Variants in SCML2 observed in about 807,000 individuals in gnomAD.
SCML2 encodes the protein sex comb on midleg-like protein 2.
Under a neutral mutation model 48.4 loss-of-function variants are expected in SCML2, and 6 were observed. The ratio of observed to expected loss-of-function variants is 0.12; its 90% CI spans 0.07 to 0.24. The LOEUF is 0.24. SCML2 is among the 10% of genes least tolerant of loss of function. The probability of loss-of-function intolerance (pLI) is 1.00; values close to 1 mark genes in which losing one functional copy is unlikely to be tolerated. For missense variants in SCML2, 377 were observed against 528.2 expected, an observed-to-expected ratio of 0.71 and a Z score of 2.81; for synonymous variants, 181 against 189.5, an observed-to-expected ratio of 0.95 and a Z score of 0.37.
At chrX:18,306,494 T>C (rs1928760391) in intron 6 of SCML2, among the ~76,000 whole-genome samples, 1 of 111,830 alleles carries the variant, frequency 8.9e-6, no homozygotes. Context: ...ACTCTCATCT[T>C]CAATTGTAGT....
At chrX:18,247,708 T>C in intron 12 of SCML2, 61 bp downstream of exon 12, 3 of 889,044 alleles carry the variant, frequency 3.4e-6, no homozygotes, top group South Asian at 4.3e-5. Flanking sequence ...CCCAAGAGTA[T>C]ACATAAGTGG....
intron 7 of SCML2, among the ~76,000 whole-genome samples, chrX:18,279,987 T>C (rs902914695): frequency 6.3e-5 from 7 of 110,698 alleles, no homozygotes; most frequent in African/African-American, 1.6e-4. Context: ...ACTAAAGAGG[T>C]TGACATGCAA....
chrX:18,270,639 C>T (rs1927422401), intron 7 of SCML2, among the ~76,000 whole-genome samples: 1 of 111,163 alleles, frequency 9.0e-6, no homozygotes, highest in African/African-American at 3.3e-5. Flanking sequence ...ATATATTACA[C>T]ATCAAAATTA....
At chrX:18,353,134 G>GAAAAAAAAAAA (rs149576101) in intron 1 of SCML2, among the ~76,000 whole-genome samples, 3 of 55,970 alleles carry the variant, frequency 5.4e-5, no homozygotes, top group Non-Finnish European at 1.1e-4. Flanking sequence ...CCATTAAATA[G>GAAAAAAAAAAA]AAAAAAAAAA....
intron 6 of SCML2, among the ~76,000 whole-genome samples, chrX:18,315,621 A>G (rs1054953455): frequency 1.8e-5 from 2 of 111,431 alleles, no homozygotes; most frequent in Admixed American, 9.6e-5. Flanking sequence ...CACGCCTATG[A>G]TAAAAACTAT....
At chrX:18,267,936 T>G (rs1927313065) in intron 7 of SCML2, among the ~76,000 whole-genome samples, 1 of 111,585 alleles carries the variant, frequency 9.0e-6, no homozygotes, top group African/African-American at 3.3e-5. Context: ...TACAACCAAT[T>G]AAGAATATTA....
rs1439674215 is a variant in SCML2 at position 18,273,257 on chromosome X, T to C, written c.731-7455A>G. Among the ~76,000 whole-genome samples, 4 of 111,206 alleles carry C rather than the reference T, an allele frequency of 3.6e-5. No homozygotes were observed. In the East Asian group the frequency reaches 1.1e-3, roughly 32 times the overall value. ...TTATTTCAGCTACTGCCTATAGTAA[T>C]GATTACCAAATCATTCACTCTCACG... On this transcript the variant is annotated intron_variant, in intron 7 of 14. Coordinates refer to ENST00000251900, the MANE Select transcript of SCML2 (RefSeq NM_006089.3).
intron 7 of SCML2, among the ~76,000 whole-genome samples, chrX:18,291,735 A>ATT (rs1220846991): frequency 9.1e-6 from 1 of 110,400 alleles, no homozygotes; most frequent in Non-Finnish European, 1.9e-5. Context: ...TGTCATTTGA[A>ATT]TGATGTGTTT....
Position 18,299,356 on chromosome X carries a change from A to T in SCML2, c.730+5616T>A, listed in dbSNP as rs1457670039. On this transcript the variant is annotated intron_variant, in intron 7 of 14. Coordinates refer to ENST00000251900, the MANE Select transcript of SCML2 (RefSeq NM_006089.3). ...GTGAAATCCCATCTCTACTAAAAAT[A>T]AAAAAAAAAAAATTAGCCAGGCATA... is the stretch of plus-strand genomic sequence containing the variant. 1.4e-4 allele frequency among the ~76,000 whole-genome samples: 15 copies of T among 104,552 alleles called. 1 individual carries two copies. The Admixed American group carries it at 1.5e-3, about 11-fold the overall frequency. The allele number at this position is 104,552 out of a possible 115,157, so 90.8% of individuals were successfully genotyped here.
chrX:18,290,449 G>A (rs1928195727), intron 7 of SCML2, among the ~76,000 whole-genome samples: 1 of 111,388 alleles, frequency 9.0e-6, no homozygotes, highest in South Asian at 3.8e-4. Context: ...GCATCTGGAA[G>A]TTTGCTGCTT....
intron 7 of SCML2, among the ~76,000 whole-genome samples, chrX:18,294,251 G>A (rs1024581939): frequency 1.8e-5 from 2 of 111,097 alleles, no homozygotes; most frequent in Non-Finnish European, 3.8e-5. Context: ...TCTTCAAACT[G>A]AGCATCTAAG....
At chrX:18,302,859 T>C (rs1210319147) in intron 7 of SCML2, among the ~76,000 whole-genome samples, 1 of 112,148 alleles carries the variant, frequency 8.9e-6, no homozygotes. Context: ...TGTCCCAAAG[T>C]TACCCTGAAT....
At chrX:18,292,038 G>A (rs748994874) in intron 7 of SCML2, among the ~76,000 whole-genome samples, 33 of 111,564 alleles carry the variant, frequency 3.0e-4, no homozygotes, top group African/African-American at 9.4e-4. Flanking sequence ...AATGGGAAAA[G>A]GTGATTAGCA....
chrX:18,298,614 T>C (rs1234317858), intron 7 of SCML2, among the ~76,000 whole-genome samples: 1 of 111,543 alleles, frequency 9.0e-6, no homozygotes, highest in African/African-American at 3.3e-5. Flanking sequence ...CCCAGCACTT[T>C]GGGAGGCCAA....
chrX:18,292,053 A>C (rs922465227), intron 7 of SCML2, among the ~76,000 whole-genome samples: 2 of 112,062 alleles, frequency 1.8e-5, no homozygotes. Context: ...TTAGCAGGCA[A>C]ACTATAAAGG....
At chrX:18,300,517 A>G (rs1928552284) in intron 7 of SCML2, among the ~76,000 whole-genome samples, 1 of 109,294 alleles carries the variant, frequency 9.1e-6, no homozygotes, top group South Asian at 4.0e-4. Flanking sequence ...TCGGCCAGGC[A>G]TGGTAGCTCA....
At chrX:18,241,473 G>A (rs965738827) in intron 14 of SCML2, 94 bp from the exon 15 acceptor site, 13 of 556,970 alleles carry the variant, frequency 2.3e-5, no homozygotes, top group African/African-American at 1.9e-4. Flanking sequence ...TGTATACTCC[G>A]GATATATATT....
In SCML2 at chrX:18,278,602, T is replaced by C. The variant is rs950667114; in HGVS notation, c.731-12800A>G. Among the ~76,000 whole-genome samples, 5 of 112,320 alleles carry C rather than the reference T, an allele frequency of 4.5e-5. No individual in the cohort carries two copies. In the East Asian group the frequency reaches 1.1e-3, roughly 25 times the overall value. The stretch of plus-strand genomic sequence containing the variant: ...GGAGAGAGCTGGGCCAGCTTCCCCA[T>C]GGGACTGGAGCATGCCTGCTCTGCA... On this transcript the variant is annotated intron_variant, in intron 7 of 14. Transcript: ENST00000251900.
chrX:18,347,423 T>C (rs2147571967), intron 1 of SCML2, among the ~76,000 whole-genome samples: 1 of 105,687 alleles, frequency 9.5e-6, no homozygotes, highest in South Asian at 4.3e-4. Context: ...CCAGCCTGAG[T>C]GACAAGAGTA....
Sources: gnomAD v4.1 joint callset for allele counts (sites outside exome capture counted in the v4.1 genomes callset) on GRCh38, gnomAD v4.1.1 for gene constraint, MANE v1.5 for transcripts, NCBI Gene and HGNC (gene_info 2026-07-23, HGNC 2026-07-21) for gene names.